The following SHISA6 variants were observed in gnomAD, a reference collection of about 807,000 sequenced individuals.
SHISA6 encodes protein shisa-6.
SHISA6 carries 22 observed loss-of-function variants against 47.9 expected under a neutral mutation model. The observed-to-expected ratio is 0.46, with a 90% CI of 0.33 to 0.66. The LOEUF is 0.66. Ranked by LOEUF, SHISA6 falls within the 30% of genes least tolerant of loss-of-function variation. SHISA6 has a pLI of 0.02. For synonymous variants in SHISA6, 388 were observed against 337.8 expected, an observed-to-expected ratio of 1.15 and a Z score of -1.63; for missense variants, 680 against 764.6, an observed-to-expected ratio of 0.89 and a Z score of 1.30.
chr17:11,538,125 A>G (rs2071803046), intron 3 of SHISA6, among the ~76,000 whole-genome samples: 1 of 152,094 alleles, frequency 6.6e-6, no homozygotes, highest in Non-Finnish European at 1.5e-5. Flanking sequence ...GTGCAGTGGC[A>G]TGATCTCGGC....
At chr17:11,364,149 C>A in intron 2 of SHISA6, among the ~76,000 whole-genome samples, 1 of 152,182 alleles carries the variant, frequency 6.6e-6, no homozygotes, top group East Asian at 1.9e-4. Context: ...GTGTATTAAT[C>A]TTGTGTATAT....
intron 3 of SHISA6, among the ~76,000 whole-genome samples, chr17:11,442,989 A>G (rs1915132225): frequency 6.6e-6 from 1 of 152,236 alleles, no homozygotes; most frequent in South Asian, 2.1e-4. Flanking sequence ...AGTTCTTAGC[A>G]GAAAAAGGAA....
At chr17:11,544,746 G>T (rs1465504463) in intron 3 of SHISA6, among the ~76,000 whole-genome samples, 3 of 151,988 alleles carry the variant, frequency 2.0e-5, no homozygotes, top group Non-Finnish European at 4.4e-5. Context: ...GGATCACGAG[G>T]TCAGGAGATT....
intron 3 of SHISA6, among the ~76,000 whole-genome samples, chr17:11,450,378 C>T (rs9898836): frequency 0.21 from 32,341 of 151,822 alleles, 3,598 homozygotes; most frequent in East Asian, 0.35. Context: ...AATCCAAGGT[C>T]GGGCGCAGTG....
chr17:11,355,742 G>A, intron 2 of SHISA6, among the ~76,000 whole-genome samples: 1 of 152,208 alleles, frequency 6.6e-6, no homozygotes, highest in East Asian at 1.9e-4. Flanking sequence ...ATCCACATCG[G>A]CCAGCCTCTT....
chr17:11,256,990 C>A (rs112289754), intron 1 of SHISA6, among the ~76,000 whole-genome samples: 1 of 152,114 alleles, frequency 6.6e-6, no homozygotes, highest in Non-Finnish European at 1.5e-5. Flanking sequence ...CTGAGTCCTG[C>A]GACGTTTATT....
chr17:11,355,640 T>C (rs1912056310), intron 2 of SHISA6, among the ~76,000 whole-genome samples: 1 of 152,200 alleles, frequency 6.6e-6, no homozygotes, highest in African/African-American at 2.4e-5. Flanking sequence ...CACACTGATC[T>C]CTGCTTTTCT....
At chr17:11,450,967 GA>G (rs1244471077) in intron 3 of SHISA6, among the ~76,000 whole-genome samples, 1 of 145,552 alleles carries the variant, frequency 6.9e-6, no homozygotes, top group African/African-American at 2.6e-5. Flanking sequence ...GAGCAAGGTA[GA>G]CCAGGACAGG....
chr17:11,529,423 G>A (rs1192897027), intron 3 of SHISA6, among the ~76,000 whole-genome samples: 2 of 152,140 alleles, frequency 1.3e-5, no homozygotes, highest in Non-Finnish European at 2.9e-5. Context: ...AGGAAAGGCT[G>A]CATTAGAACC....
chr17:11,300,934 G>C (rs567994721), intron 2 of SHISA6, among the ~76,000 whole-genome samples: 27 of 151,578 alleles, frequency 1.8e-4, no homozygotes, highest in Non-Finnish European at 3.4e-4. Context: ...GTATGGGGTG[G>C]GGGGAGAGAA....
At chr17:11,314,242 A>T (rs1910431196) in intron 2 of SHISA6, among the ~76,000 whole-genome samples, 2 of 152,188 alleles carry the variant, frequency 1.3e-5, no homozygotes, top group African/African-American at 4.8e-5. Context: ...AAGTATTAAC[A>T]TTTTAAATTT....
At chr17:11,442,930 C>T (rs973311102) in intron 3 of SHISA6, among the ~76,000 whole-genome samples, 16 of 152,160 alleles carry the variant, frequency 1.1e-4, no homozygotes, top group Admixed American at 9.8e-4. Flanking sequence ...TCCTCCAGAG[C>T]TCAGGCAAGG....
chr17:11,281,600 G>T (rs2142161231), intron 2 of SHISA6, among the ~76,000 whole-genome samples: 1 of 152,084 alleles, frequency 6.6e-6, no homozygotes, highest in East Asian at 1.9e-4. Flanking sequence ...AAAGCATATT[G>T]GTCCATAGTT....
At chr17:11,284,374 C>T (rs1051982672) in intron 2 of SHISA6, among the ~76,000 whole-genome samples, 2 of 152,140 alleles carry the variant, frequency 1.3e-5, no homozygotes, top group African/African-American at 2.4e-5. Flanking sequence ...CATCTTTATG[C>T]TTGTTACCTC....
chr17:11,530,433 A>C (rs1042998401), intron 3 of SHISA6, among the ~76,000 whole-genome samples: 2 of 152,186 alleles, frequency 1.3e-5, no homozygotes, highest in Non-Finnish European at 2.9e-5. Flanking sequence ...TTTTGTGTGG[A>C]AAAAAATACA....
intron 2 of SHISA6, among the ~76,000 whole-genome samples, chr17:11,311,101 C>CAA (rs1241678104): frequency 2.1e-4 from 22 of 105,078 alleles, no homozygotes; most frequent in Non-Finnish European, 1.9e-5. Context: ...AGCGAGACTC[C>CAA]ATCTCAAAAA....
At chr17:11,554,652 A>AAG (rs2071959688) in intron 4 of SHISA6, among the ~76,000 whole-genome samples, 1 of 152,118 alleles carries the variant, frequency 6.6e-6, no homozygotes, top group Admixed American at 6.5e-5. Flanking sequence ...TGACACAGCG[A>AAG]GACTATAGCC....
chr17:11,392,505 G>A (rs1300015781), intron 3 of SHISA6, among the ~76,000 whole-genome samples: 1 of 152,116 alleles, frequency 6.6e-6, no homozygotes, highest in Non-Finnish European at 1.5e-5. Flanking sequence ...TTGCTTCCTA[G>A]ATGCTCTCTT....
chr17:11,494,967 G>A (rs2071395926), intron 3 of SHISA6, among the ~76,000 whole-genome samples: 1 of 152,306 alleles, frequency 6.6e-6, no homozygotes, highest in Non-Finnish European at 1.5e-5. Context: ...CCACGAGCCT[G>A]AGGATGACCT....
Sources: gnomAD v4.1 joint callset for allele counts (sites outside exome capture counted in the v4.1 genomes callset) on GRCh38, gnomAD v4.1.1 for gene constraint, MANE v1.5 for transcripts, NCBI Gene and HGNC (gene_info 2026-07-23, HGNC 2026-07-21) for gene names.